Variants in STX8 observed in about 807,000 individuals in gnomAD.
The protein encoded by STX8 is syntaxin-8.
A neutral mutation model predicts 37.5 loss-of-function variants in STX8; 23 were observed. The ratio of observed to expected loss-of-function variants is 0.61; its 90% CI spans 0.44 to 0.87. The LOEUF is 0.87. Among genes scored for constraint, STX8 ranks in the 40% least tolerant of loss-of-function variants. The probability of loss-of-function intolerance (pLI) is 0.00; values close to 1 mark genes in which losing one functional copy is unlikely to be tolerated. For synonymous variants in STX8, 115 were observed against 99.1 expected (o/e 1.16, Z -0.95); for missense variants, 313 against 284.7 (o/e 1.10, Z -0.71).
chr17:9,425,060 C>T (rs1163118030), intron 6 of STX8, among the ~76,000 whole-genome samples: 1 of 152,110 alleles, frequency 6.6e-6, no homozygotes, highest in Admixed American at 6.5e-5. Context: ...GATGAATGAC[C>T]AGGATTTTTA....
At chr17:9,333,541 C>T (rs1344843442) in intron 7 of STX8, among the ~76,000 whole-genome samples, 2 of 152,072 alleles carry the variant, frequency 1.3e-5, no homozygotes. Flanking sequence ...GCGCCCGCCA[C>T]CACGCCCAGC....
At chr17:9,343,766 G>A (rs540973183) in intron 7 of STX8, among the ~76,000 whole-genome samples, 2 of 152,050 alleles carry the variant, frequency 1.3e-5, no homozygotes, top group African/African-American at 2.4e-5. Flanking sequence ...TGCTCCCTTG[G>A]CCCTCCCCAT....
chr17:9,435,308 A>C (rs981839124), intron 6 of STX8, among the ~76,000 whole-genome samples: 8 of 152,206 alleles, frequency 5.3e-5, no homozygotes, highest in Non-Finnish European at 1.2e-4. Context: ...TGAAACGTTA[A>C]CATCTAAAAA....
intron 7 of STX8, among the ~76,000 whole-genome samples, chr17:9,265,355 G>A (rs1331337135): frequency 6.6e-6 from 1 of 152,190 alleles, no homozygotes. Context: ...ACTCTGGATG[G>A]GGCACGCTAG....
intron 6 of STX8, among the ~76,000 whole-genome samples, chr17:9,463,762 G>A (rs560915238): frequency 3.3e-5 from 5 of 152,282 alleles, no homozygotes; most frequent in African/African-American, 1.2e-4. Context: ...TACAAAATTA[G>A]CAGGGTGTGG....
chr17:9,450,015 T>C (rs9916318), intron 6 of STX8, among the ~76,000 whole-genome samples: 77,839 of 151,604 alleles, frequency 0.51, 21,331 homozygotes, highest in East Asian at 0.71. Context: ...TGGACTTGTT[T>C]TATATCTCAA....
chr17:9,274,675 CAAAAATAAT>C (rs1907597484), intron 7 of STX8, among the ~76,000 whole-genome samples: 1 of 66,500 alleles, frequency 1.5e-5, no homozygotes, highest in African/African-American at 4.5e-5. Flanking sequence ...GACTCTGTCT[CAAAAATAAT>C]AATAATAATA....
chr17:9,531,422 C>A (rs1039544149), intron 4 of STX8, among the ~76,000 whole-genome samples: 1 of 152,134 alleles, frequency 6.6e-6, no homozygotes, highest in African/African-American at 2.4e-5. Flanking sequence ...CTGAACAAGG[C>A]ACAGAGACTG....
chr17:9,445,516 T>G (rs1323901160), intron 6 of STX8, among the ~76,000 whole-genome samples: 1 of 1,876 alleles, frequency 5.3e-4, no homozygotes, highest in African/African-American at 1.7e-3. Flanking sequence ...GGGGAGGGGG[T>G]TGGGGGGTGG....
chr17:9,323,981 C>T lies in STX8; in HGVS notation c.643+54571G>A, dbSNP rs927679965. 4.6e-5 allele frequency among the ~76,000 whole-genome samples: 7 copies of T among 152,102 alleles called. No individual in the cohort carries two copies. The South Asian group carries it at 6.2e-4, about 14-fold the overall frequency. The stretch of plus-strand genomic sequence containing the variant: ...CAGGCGCAGTGGGGCGGAGAGGCAT[C>T]GGTCCTATTTGTGGATCTGACATCA... On this transcript the variant is annotated intron_variant, in intron 7 of 7. Coordinates refer to ENST00000306357, the MANE Select transcript of STX8 (RefSeq NM_004853.3).
rs867677056 is a variant in STX8, at chr17:9,430,005, T to A, written c.542-51352A>T. Among the ~76,000 whole-genome samples the A allele has an allele frequency of 7.7e-3, 59 of 7,658 alleles. 15 individuals are homozygous for A. Among genetic ancestry groups the A allele is most frequent in the African/African-American group, 0.024 (51 of 2,122 alleles). 5.0% of individuals were successfully genotyped at this position (7,658 alleles called of 152,430 possible). On this transcript the variant is annotated intron_variant, in intron 6 of 7. Transcript: ENST00000306357. ...GAATATATTATATATAATATATATATTATATATTATATATTATATATAATA... is the reference window on the plus strand; with the variant it reads ...GAATATATTATATATAATATATATAATATATATTATATATTATATATAATA...
In STX8 at chr17:9,507,541, C is replaced by T. The variant is rs78972659; in HGVS notation, c.324-2379G>A. 1.8e-3 allele frequency among the ~76,000 whole-genome samples: 276 copies of T among 152,316 alleles called. 1 individual carries two copies. The highest frequency in any genetic ancestry group is 3.7e-3 in the Non-Finnish European group (251 of 68,028). On this transcript the variant is annotated intron_variant, in intron 4 of 7. Coordinates refer to ENST00000306357, the MANE Select transcript of STX8 (RefSeq NM_004853.3). The surrounding 1 kb of genome is among the most constrained non-coding windows in gnomAD (Gnocchi z 4.0). ...ACAGGAGAGCTGAGCAGCAGTGTGC[C>T]CATGTCCCAAACCTGAGAAACAGCC...
At chr17:9,471,849 T>C (rs750082113) in intron 6 of STX8, among the ~76,000 whole-genome samples, 3 of 152,212 alleles carry the variant, frequency 2.0e-5, no homozygotes, top group Non-Finnish European at 4.4e-5. Flanking sequence ...TTCCCTTTGC[T>C]GATTTTGCTT....
chr17:9,480,996 T>G (rs1906314992), intron 6 of STX8, among the ~76,000 whole-genome samples: 1 of 152,134 alleles, frequency 6.6e-6, no homozygotes, highest in African/African-American at 2.4e-5. Context: ...GCCATTCTCC[T>G]GCCTCAGCCT....
At chr17:9,466,143 T>C (rs1905603363) in intron 6 of STX8, among the ~76,000 whole-genome samples, 1 of 152,104 alleles carries the variant, frequency 6.6e-6, no homozygotes, top group Non-Finnish European at 1.5e-5. Flanking sequence ...GCTAATTTTT[T>C]TGTATTTTTA....
At position 9,568,501 on chromosome 17, in the gene STX8, T is replaced by C. The variant is rs762641949; in HGVS notation, c.18-31A>G. Reference sequence around the variant, plus strand: ...CCAAAGTCGTAAAAAGAGAAAATGTTTAAGGTTCTTTTTTTTTGAGACGGA... The same window carrying C: ...CCAAAGTCGTAAAAAGAGAAAATGTCTAAGGTTCTTTTTTTTTGAGACGGA... On this transcript the variant is annotated intron_variant, in intron 1 of 7. Transcript: ENST00000306357. The C allele has an allele frequency of 2.5e-6, 4 of 1,581,206 alleles. No individual in the cohort carries two copies. The South Asian group carries it at 4.5e-5, about 18-fold the overall frequency.
chr17:9,392,399 G>C (rs550860667), intron 6 of STX8, among the ~76,000 whole-genome samples: 1 of 152,286 alleles, frequency 6.6e-6, no homozygotes, highest in African/African-American at 2.4e-5. Flanking sequence ...TTTGAGCCCA[G>C]GAGTTCAAGA....
intron 6 of STX8, among the ~76,000 whole-genome samples, chr17:9,483,522 G>A (rs902068312): frequency 1.3e-5 from 2 of 152,120 alleles, no homozygotes; most frequent in African/African-American, 4.8e-5. Flanking sequence ...ATCTTTGGGG[G>A]TCATTATTCA....
At position 9,267,474 on chromosome 17, in the gene STX8, C is replaced by T. The variant is rs143697403; in HGVS notation, c.644-16829G>A. ...CTTCAGTGCTCAATGCTGCCCATATCCCCCGTGTTGTGTGACACCACAGCA... is the reference window on the plus strand; with the variant it reads ...CTTCAGTGCTCAATGCTGCCCATATTCCCCGTGTTGTGTGACACCACAGCA... On this transcript the variant is annotated intron_variant, in intron 7 of 7. Coordinates refer to ENST00000306357, the MANE Select transcript of STX8 (RefSeq NM_004853.3). Among the ~76,000 whole-genome samples, 468 of 152,286 alleles carry T rather than the reference C, an allele frequency of 3.1e-3. 3 individuals are homozygous for T. The highest frequency in any genetic ancestry group is 9.8e-3 in the African/African-American group (407 of 41,556).
Sources: gnomAD v4.1 joint callset for allele counts (sites outside exome capture counted in the v4.1 genomes callset) on GRCh38, gnomAD v4.1.1 for gene constraint, Gnocchi (gnomAD v3.1) non-coding constraint, MANE v1.5 for transcripts, NCBI Gene and HGNC (gene_info 2026-07-23, HGNC 2026-07-21) for gene names.